Variants in NLGN1 observed in about 807,000 individuals in gnomAD.
NLGN1 encodes the protein neuroligin-1.
In NLGN1, 12 loss-of-function variants were observed where a neutral mutation model predicts 65.5. That is an observed-to-expected ratio of 0.18 (90% CI 0.12 to 0.30). The LOEUF is 0.30. NLGN1 is among the 10% of genes least tolerant of loss of function. NLGN1 has a pLI of 1.00. For synonymous variants in NLGN1, 350 were observed against 359.5 expected (o/e 0.97, Z 0.30); for missense variants, 750 against 1,007.1 (o/e 0.74, Z 3.46).
At chr3:174,105,791 A>T (rs994966473) in intron 4 of NLGN1, among the ~76,000 whole-genome samples, 1 of 150,686 alleles carries the variant, frequency 6.6e-6, no homozygotes, top group African/African-American at 2.4e-5. Flanking sequence ...CCAATAGAAA[A>T]TAATAGTGCA....
In NLGN1 at chr3:173,675,805, A is replaced by G. The variant is rs142743085; in HGVS notation, c.493+70714A>G. Among the ~76,000 whole-genome samples the G allele has an allele frequency of 5.9e-5, 9 of 151,738 alleles. No homozygotes were observed. The East Asian group carries it at 1.8e-3, about 30-fold the overall frequency. ...GTGGACACATGAGCCTGACTATGTG[A>G]TAAAAGTGCATAGAACTGCTCTCTT... On this transcript the variant is annotated intron_variant, in intron 3 of 6. Transcript: ENST00000457714.
At chr3:173,793,299 A>G (rs1713220188) in intron 3 of NLGN1, among the ~76,000 whole-genome samples, 1 of 152,086 alleles carries the variant, frequency 6.6e-6, no homozygotes, top group Non-Finnish European at 1.5e-5. Flanking sequence ...CAGGAATGAG[A>G]TTTCCCTGGG....
chr3:173,485,647 T>G (rs1728058080), intron 2 of NLGN1, among the ~76,000 whole-genome samples: 1 of 152,202 alleles, frequency 6.6e-6, no homozygotes, highest in Non-Finnish European at 1.5e-5. Context: ...TGCAAAGAAT[T>G]CTTGTATGGT....
At chr3:173,810,313 T>A (rs1717629773) in intron 4 of NLGN1, among the ~76,000 whole-genome samples, 1 of 152,168 alleles carries the variant, frequency 6.6e-6, no homozygotes, top group South Asian at 2.1e-4. Context: ...GTGAATAGTT[T>A]GTCTAACAGT....
At chr3:173,967,614 GT>G (rs1715172093) in intron 4 of NLGN1, among the ~76,000 whole-genome samples, 1 of 151,944 alleles carries the variant, frequency 6.6e-6, no homozygotes, top group African/African-American at 2.4e-5. Flanking sequence ...TTTAGTTTCT[GT>G]TTTCTTTGGC....
At chr3:173,679,260 G>A (rs928690295) in intron 3 of NLGN1, among the ~76,000 whole-genome samples, 24 of 149,988 alleles carry the variant, frequency 1.6e-4, no homozygotes, top group Non-Finnish European at 2.1e-4. Flanking sequence ...AGTAAAAAAT[G>A]AAAAAAAAAG....
chr3:173,538,762 A>G (rs73045426), intron 2 of NLGN1, among the ~76,000 whole-genome samples: 4,506 of 152,294 alleles, frequency 0.03, 211 homozygotes, highest in African/African-American at 0.098. Flanking sequence ...AATTGCGGAA[A>G]GAAGCCGTCT....
At chr3:173,588,455 C>G (rs1219219749) in intron 2 of NLGN1, among the ~76,000 whole-genome samples, 1 of 152,108 alleles carries the variant, frequency 6.6e-6, no homozygotes, top group Non-Finnish European at 1.5e-5. Flanking sequence ...ATCAAACAAA[C>G]AAAAATCCCC....
intron 4 of NLGN1, among the ~76,000 whole-genome samples, chr3:174,149,850 C>G (rs1188704850): frequency 1.3e-5 from 2 of 151,916 alleles, no homozygotes; most frequent in Non-Finnish European, 2.9e-5. Context: ...TTTTGAATAA[C>G]TAGGTGAAAA....
chr3:173,812,035 A>G (rs1718058542), intron 4 of NLGN1, among the ~76,000 whole-genome samples: 2 of 152,136 alleles, frequency 1.3e-5, no homozygotes, highest in Admixed American at 1.3e-4. Context: ...TATGCAATTC[A>G]TAATTCTAGC....
rs1751138817 is a variant in NLGN1 at position 174,279,182 on chromosome 3, A to G, written c.1181A>G (p.Lys394Arg). 3.1e-6 allele frequency: 5 copies of G among 1,613,402 alleles called. No individual in the cohort carries two copies. The East Asian group carries it at 1.1e-4, about 36-fold the overall frequency. The change falls in exon 6 of 7, where the codon AAA becomes AGA. Residue 394 changes from lysine (K) to arginine (R), a missense_variant. Physicochemically the swap from Lys to Arg is conservative, Grantham distance 26. Coordinates refer to ENST00000457714, the Ensembl canonical transcript of NLGN1. The surrounding 1 kb of genome is among the most constrained non-coding windows in gnomAD (Gnocchi z 4.7). ...GGAGTGAACCAAGGGGAAGGGTTAA[A>G]ATTTGTTGAAAATATAGTAGATAGC... is the stretch of plus-strand genomic sequence containing the variant.
At chr3:174,072,264 A>T (rs1049207061) in intron 4 of NLGN1, among the ~76,000 whole-genome samples, 9 of 152,158 alleles carry the variant, frequency 5.9e-5, no homozygotes, top group African/African-American at 1.9e-4. Flanking sequence ...ACAAGAAAGT[A>T]TGGTACAAGA....
chr3:173,588,348 T>G (rs76251417), intron 2 of NLGN1, among the ~76,000 whole-genome samples: 1 of 152,144 alleles, frequency 6.6e-6, no homozygotes, highest in Non-Finnish European at 1.5e-5. Flanking sequence ...GTTCTGTTAT[T>G]AATGAAATAA....
intron 3 of NLGN1, among the ~76,000 whole-genome samples, chr3:173,646,858 G>T (rs1361926364): frequency 2.6e-5 from 4 of 152,000 alleles, no homozygotes; most frequent in African/African-American, 9.7e-5. Context: ...CACATTGAAG[G>T]CAAATGTTTT....
At chr3:173,838,133 G>GTGTC (rs928028172) in intron 4 of NLGN1, among the ~76,000 whole-genome samples, 5 of 151,778 alleles carry the variant, frequency 3.3e-5, no homozygotes, top group African/African-American at 9.7e-5. Context: ...TCCTTATACA[G>GTGTC]TGTCTGATTA....
chr3:173,468,912 T>C (rs899522963), intron 2 of NLGN1, among the ~76,000 whole-genome samples: 1 of 152,000 alleles, frequency 6.6e-6, no homozygotes, highest in African/African-American at 2.4e-5. Context: ...TGTTCTGGAG[T>C]TGAGGAACTG....
intron 2 of NLGN1, among the ~76,000 whole-genome samples, chr3:173,541,112 A>G (rs1738789121): frequency 6.6e-6 from 1 of 152,206 alleles, no homozygotes. Flanking sequence ...AACAGTATAT[A>G]GGGAATCTAT....
At chr3:173,890,149 A>G (rs1229760375) in intron 4 of NLGN1, among the ~76,000 whole-genome samples, 3 of 152,188 alleles carry the variant, frequency 2.0e-5, no homozygotes. Context: ...TCCCTTTAAA[A>G]TTCTACATGC....
At chr3:173,682,685 G>A (rs1259912993) in intron 3 of NLGN1, among the ~76,000 whole-genome samples, 1 of 151,824 alleles carries the variant, frequency 6.6e-6, no homozygotes, top group Non-Finnish European at 1.5e-5. Context: ...TTATGCCTGA[G>A]GTTGGAATTT....
Sources: allele counts gnomAD v4.1 joint callset (sites outside exome capture counted in the v4.1 genomes callset), GRCh38; gene constraint gnomAD v4.1.1; non-coding constraint Gnocchi (gnomAD v3.1); transcripts MANE v1.5; gene names NCBI Gene and HGNC (gene_info 2026-07-23, HGNC 2026-07-21).